PID1: variants seen among roughly 807,000 people sequenced by gnomAD.
PID1 encodes the protein PTB-containing, cubilin and LRP1-interacting protein.
A neutral mutation model predicts 19.1 loss-of-function variants in PID1; 10 were observed. The ratio of observed to expected loss-of-function variants is 0.52; its 90% CI spans 0.32 to 0.89. The LOEUF (loss-of-function observed/expected upper bound fraction) is 0.89. Among genes scored for constraint, PID1 ranks in the 40% least tolerant of loss-of-function variants. The pLI is 0.03. For synonymous variants in PID1, 130 were observed against 116.0 expected, an observed-to-expected ratio of 1.12 and a Z score of -0.78; for missense variants, 248 against 285.3, an observed-to-expected ratio of 0.87 and a Z score of 0.94.
rs534638236 is a variant in PID1 at position 229,191,180 on chromosome 2, C to G, written c.31-35216G>C. On this transcript the variant is annotated intron_variant, in intron 1 of 2. Transcript: ENST00000392055. ...GTGTAGCAGCATCCTTGGCCATTAC[C>G]CATTAGATGACAGCTGAATCTCCCA... 3.3e-5 allele frequency among the ~76,000 whole-genome samples: 5 copies of G among 152,158 alleles called. No homozygotes were observed. The South Asian group carries it at 1.0e-3, about 32-fold the overall frequency.
At chr2:229,055,584 A>C (rs1302550511) in intron 2 of PID1, among the ~76,000 whole-genome samples, 1 of 152,246 alleles carries the variant, frequency 6.6e-6, no homozygotes, top group Non-Finnish European at 1.5e-5. Context: ...CATTCATAAA[A>C]GCCCCAGACA....
At chr2:229,040,714 T>C (rs1180095040) in intron 2 of PID1, among the ~76,000 whole-genome samples, 3 of 152,160 alleles carry the variant, frequency 2.0e-5, no homozygotes, top group African/African-American at 7.2e-5. Context: ...TCAAATAACA[T>C]TTTAACACAG....
chr2:229,217,559 C>T (rs1207503440), intron 1 of PID1, among the ~76,000 whole-genome samples: 1 of 152,060 alleles, frequency 6.6e-6, no homozygotes, highest in Non-Finnish European at 1.5e-5. Flanking sequence ...AACATGAGAC[C>T]CAGCTCAAAC....
At chr2:229,187,401 G>A (rs925738023) in intron 1 of PID1, among the ~76,000 whole-genome samples, 1 of 152,118 alleles carries the variant, frequency 6.6e-6, no homozygotes, top group African/African-American at 2.4e-5. Context: ...AGTTCCACAT[G>A]GCTGGGGAGG....
At position 229,025,198 on chromosome 2, in the gene PID1, G is replaced by A. The variant is rs1238347561; in HGVS notation, c.*434C>T. 4 of 162,908 alleles carry A rather than the reference G, an allele frequency of 2.5e-5. No individual in the cohort carries two copies. Among genetic ancestry groups the A allele is most frequent in the African/African-American group, 7.2e-5 (3 of 41,546 alleles). The allele number at this position is 162,908 out of a possible 1,614,324, so 10.1% of individuals were successfully genotyped here. A position where few individuals can be genotyped will look rare whatever the true frequency, so the allele number is the denominator to read the frequency against. On this transcript the variant is annotated 3_prime_UTR_variant, in exon 3 of 3. Transcript: ENST00000392055. ...ATGTTCCTTCCTCCCTGCGGCCAGC[G>A]TCCCCATCAGCACCCTGCCCACCCC...
At position 229,158,097 on chromosome 2, in the gene PID1, G is replaced by A. The variant is rs1241443790; in HGVS notation, c.31-2133C>T. On this transcript the variant is annotated intron_variant, in intron 1 of 2. Transcript: ENST00000392055. ...CACCCTTACATTTGCATTTAAAGTA[G>A]GCACTGCACAATGTAAATTCATGCT... Among the ~76,000 whole-genome samples the A allele has an allele frequency of 2.6e-5, 4 of 152,164 alleles. No homozygotes were observed. The East Asian group carries it at 7.7e-4, about 29-fold the overall frequency.
intron 2 of PID1, among the ~76,000 whole-genome samples, chr2:229,115,248 T>C (rs1467060810): frequency 6.6e-6 from 1 of 151,860 alleles, no homozygotes; most frequent in Non-Finnish European, 1.5e-5. Context: ...GGCTCAGACT[T>C]GTAATCCCAA....
intron 1 of PID1, among the ~76,000 whole-genome samples, chr2:229,243,586 A>C (rs1434060956): frequency 6.6e-6 from 1 of 152,122 alleles, no homozygotes; most frequent in Non-Finnish European, 1.5e-5. Flanking sequence ...TGAATTAATA[A>C]ATGAATATCA....
chr2:229,123,035 T>A (rs926775797), intron 2 of PID1, among the ~76,000 whole-genome samples: 2 of 152,216 alleles, frequency 1.3e-5, no homozygotes, highest in African/African-American at 2.4e-5. Context: ...TCATATAATA[T>A]AAAATTCACT....
intron 2 of PID1, among the ~76,000 whole-genome samples, chr2:229,057,300 G>A (rs534931272): frequency 2.3e-4 from 35 of 151,868 alleles, no homozygotes; most frequent in South Asian, 4.2e-4. Context: ...AGCTGGGCAC[G>A]ATCGTGGGTG....
At chr2:229,210,139 TAAAA>T (rs752450558) in intron 1 of PID1, among the ~76,000 whole-genome samples, 1 of 133,160 alleles carries the variant, frequency 7.5e-6, no homozygotes, top group Non-Finnish European at 1.6e-5. Flanking sequence ...TACTTGAACT[TAAAA>T]AAAAAAAAAA....
intron 2 of PID1, among the ~76,000 whole-genome samples, chr2:229,027,785 T>C (rs1693458071): frequency 6.6e-6 from 1 of 152,188 alleles, no homozygotes. Context: ...AGCGGTAGCC[T>C]AAGACAGCCC....
chr2:229,211,494 T>C (rs1164957258), intron 1 of PID1, among the ~76,000 whole-genome samples: 3 of 152,192 alleles, frequency 2.0e-5, no homozygotes, highest in Non-Finnish European at 4.4e-5. Flanking sequence ...AATTTAGCTG[T>C]TTATTGGTCA....
At chr2:229,167,534 C>A (rs1690624808) in intron 1 of PID1, among the ~76,000 whole-genome samples, 1 of 152,042 alleles carries the variant, frequency 6.6e-6, no homozygotes, top group African/African-American at 2.4e-5. Context: ...CAGAACTCTT[C>A]AAAAACGTTA....
At chr2:229,196,207 A>T (rs932266478) in intron 1 of PID1, among the ~76,000 whole-genome samples, 1 of 152,066 alleles carries the variant, frequency 6.6e-6, no homozygotes, top group African/African-American at 2.4e-5. Flanking sequence ...ATAGTGAGGG[A>T]GAAGGAAAAA....
At chr2:229,183,218 A>T (rs1303742053) in intron 1 of PID1, among the ~76,000 whole-genome samples, 1 of 152,218 alleles carries the variant, frequency 6.6e-6, no homozygotes, top group African/African-American at 2.4e-5. Flanking sequence ...AGTGTCTATT[A>T]TGCAAGCCAA....
At chr2:229,131,572 A>C (rs1286389937) in intron 2 of PID1, among the ~76,000 whole-genome samples, 1 of 152,180 alleles carries the variant, frequency 6.6e-6, no homozygotes, top group Non-Finnish European at 1.5e-5. Flanking sequence ...AAGAGTAAAG[A>C]ATCTCCACAT....
chr2:229,079,633 T>C (rs759524333), intron 2 of PID1, among the ~76,000 whole-genome samples: 1 of 152,220 alleles, frequency 6.6e-6, no homozygotes, highest in Non-Finnish European at 1.5e-5. Flanking sequence ...TTCTTTTCTG[T>C]CCTGTAATTT....
chr2:229,127,305 C>A (rs1695642271), intron 2 of PID1, among the ~76,000 whole-genome samples: 1 of 152,154 alleles, frequency 6.6e-6, no homozygotes, highest in Non-Finnish European at 1.5e-5. Flanking sequence ...ATTATTCCTA[C>A]TACATTTTTT....
Sources: gnomAD v4.1 joint callset for allele counts (sites outside exome capture counted in the v4.1 genomes callset) on GRCh38, gnomAD v4.1.1 for gene constraint, MANE v1.5 for transcripts, NCBI Gene and HGNC (gene_info 2026-07-23, HGNC 2026-07-21) for gene names.